The following STX8 variants were observed in gnomAD, a reference collection of about 807,000 sequenced individuals.
STX8 encodes syntaxin-8.
A neutral mutation model predicts 37.5 loss-of-function variants in STX8; 23 were observed. The ratio of observed to expected loss-of-function variants is 0.61; its 90% CI spans 0.44 to 0.87. The LOEUF (loss-of-function observed/expected upper bound fraction) is 0.87. Among genes scored for constraint, STX8 ranks in the 40% least tolerant of loss-of-function variants. The pLI is 0.00. For missense variants in STX8, 313 were observed against 284.7 expected (o/e 1.10, Z -0.71); for synonymous variants, 115 against 99.1 (o/e 1.16, Z -0.95).
At chr17:9,300,373 G>T (rs1360075391) in intron 7 of STX8, among the ~76,000 whole-genome samples, 6 of 137,576 alleles carry the variant, frequency 4.4e-5, no homozygotes, top group Non-Finnish European at 8.1e-5. Context: ...AAAAGAAAAA[G>T]AAAATTCCCC....
At chr17:9,547,792 TTTTTG>T (rs1443335543) in intron 3 of STX8, among the ~76,000 whole-genome samples, 3 of 141,602 alleles carry the variant, frequency 2.1e-5, no homozygotes, top group African/African-American at 8.3e-5. Flanking sequence ...CTTTTTTTTT[TTTTTG>T]TTTTGTTTTG....
At chr17:9,408,402 C>T (rs1472866970) in intron 6 of STX8, among the ~76,000 whole-genome samples, 2 of 152,162 alleles carry the variant, frequency 1.3e-5, no homozygotes, top group Admixed American at 1.3e-4. Context: ...TCATGAACAT[C>T]ATAGTCTTTC....
intron 4 of STX8, among the ~76,000 whole-genome samples, chr17:9,528,486 T>G (rs1482414068): frequency 6.6e-6 from 1 of 152,060 alleles, no homozygotes; most frequent in Non-Finnish European, 1.5e-5. Context: ...TTAGTAGAGA[T>G]GTATTTAGTA....
intron 7 of STX8, among the ~76,000 whole-genome samples, chr17:9,373,665 C>T (rs964657208): frequency 3.9e-5 from 6 of 152,096 alleles, no homozygotes; most frequent in South Asian, 2.1e-4. Flanking sequence ...AGTGGCTGGG[C>T]GCAGTGGCTC....
At chr17:9,452,130 C>T (rs1465795976) in intron 6 of STX8, 1 of 151,752 alleles carries the variant, frequency 6.6e-6, no homozygotes, top group South Asian at 2.1e-4. Flanking sequence ...GTAACTATAA[C>T]TTAATTTAGT....
At chr17:9,461,987 G>A (rs1050864186) in intron 6 of STX8, among the ~76,000 whole-genome samples, 14 of 152,128 alleles carry the variant, frequency 9.2e-5, no homozygotes, top group African/African-American at 3.1e-4. Flanking sequence ...TCATCTGACA[G>A]GAGGCGGAGC....
intron 7 of STX8, among the ~76,000 whole-genome samples, chr17:9,347,988 G>A (rs914129499): frequency 2.0e-5 from 3 of 152,010 alleles, no homozygotes; most frequent in Non-Finnish European, 4.4e-5. Context: ...TTTTGTGGTT[G>A]AGTAATATTC....
chr17:9,298,614 C>T (rs145125101), intron 7 of STX8, among the ~76,000 whole-genome samples: 229 of 152,258 alleles, frequency 1.5e-3, no homozygotes, highest in Middle Eastern at 3.4e-3. Flanking sequence ...GAGACTGAGA[C>T]CATCCTGGCC....
intron 7 of STX8, among the ~76,000 whole-genome samples, chr17:9,252,385 A>T (rs56088438): frequency 3.3e-5 from 5 of 151,262 alleles, no homozygotes; most frequent in African/African-American, 7.3e-5. Context: ...CGGAGCTTGC[A>T]GTGAGCCGAG....
At chr17:9,321,778 A>T (rs1007148368) in intron 7 of STX8, among the ~76,000 whole-genome samples, 1 of 152,138 alleles carries the variant, frequency 6.6e-6, no homozygotes, top group Admixed American at 6.5e-5. Flanking sequence ...TTGGCCTCCC[A>T]AAGTGCTGGG....
chr17:9,482,903 A>G (rs1906406730), intron 6 of STX8, among the ~76,000 whole-genome samples: 1 of 152,182 alleles, frequency 6.6e-6, no homozygotes. Flanking sequence ...AACAAGAGCG[A>G]AACTGCGTCT....
At chr17:9,395,326 A>G (rs8074483) in intron 6 of STX8, among the ~76,000 whole-genome samples, 50,125 of 151,554 alleles carry the variant, frequency 0.33, 10,317 homozygotes, top group African/African-American at 0.59. Context: ...TGGCAGCTGG[A>G]CGCAGTGGCT....
chr17:9,570,455 T>C (rs1297939848), intron 1 of STX8, among the ~76,000 whole-genome samples: 2 of 152,006 alleles, frequency 1.3e-5, no homozygotes, highest in Admixed American at 1.3e-4. Context: ...ATATCACTGA[T>C]ACATATATTC....
chr17:9,443,405 T>C (rs1258375896), intron 6 of STX8, among the ~76,000 whole-genome samples: 1 of 152,156 alleles, frequency 6.6e-6, no homozygotes, highest in Non-Finnish European at 1.5e-5. Context: ...ACAGTCCGCA[T>C]CCCCAAGGAA....
intron 7 of STX8, among the ~76,000 whole-genome samples, chr17:9,258,552 T>C (rs896536113): frequency 1.3e-5 from 2 of 152,204 alleles, no homozygotes; most frequent in Admixed American, 1.3e-4. Context: ...AACCAGGCAC[T>C]GGGGGTGTGG....
At chr17:9,268,513 G>A (rs1464408721) in intron 7 of STX8, among the ~76,000 whole-genome samples, 1 of 152,192 alleles carries the variant, frequency 6.6e-6, no homozygotes, top group African/African-American at 2.4e-5. Context: ...TGGGGGATGA[G>A]GCCGCAGTGA....
intron 6 of STX8, among the ~76,000 whole-genome samples, chr17:9,474,581 A>G (rs1906020232): frequency 6.6e-6 from 1 of 152,194 alleles, no homozygotes; most frequent in South Asian, 2.1e-4. Context: ...CAGACTCCAC[A>G]GGTTTAAGGG....
chr17:9,286,842 G>A (rs1003405793), intron 7 of STX8, among the ~76,000 whole-genome samples: 5 of 152,122 alleles, frequency 3.3e-5, no homozygotes, highest in African/African-American at 1.2e-4. Flanking sequence ...TAGAAACAGT[G>A]GGCTTCAGAG....
chr17:9,485,258 C>T (rs1906536634), intron 6 of STX8, among the ~76,000 whole-genome samples: 1 of 152,044 alleles, frequency 6.6e-6, no homozygotes, highest in Non-Finnish European at 1.5e-5. Flanking sequence ...TGACAGTGGC[C>T]CAGAGGTATG....
Sources: gnomAD v4.1 joint callset for allele counts (sites outside exome capture counted in the v4.1 genomes callset) on GRCh38, gnomAD v4.1.1 for gene constraint, MANE v1.5 for transcripts, NCBI Gene and HGNC (gene_info 2026-07-23, HGNC 2026-07-21) for gene names.